Variants in TAS2R1 observed in about 807,000 individuals in gnomAD.
TAS2R1 encodes taste 2 receptor member 1.
For synonymous variants in TAS2R1, 141 were observed against 134.2 expected (o/e 1.05, Z -0.35); for missense variants, 370 against 353.4 (o/e 1.05, Z -0.38).
chr5:9,758,833 T>C, the TAS2R1 span, among the ~76,000 whole-genome samples: 1 of 152,218 alleles, frequency 6.6e-6, no homozygotes, highest in Non-Finnish European at 1.5e-5. Flanking sequence ...GTCGTCTCCC[T>C]GGGGCTTCTA....
chr5:9,708,391 C>T (rs1314367469), intron 1 of TAS2R1, among the ~76,000 whole-genome samples: 1 of 152,082 alleles, frequency 6.6e-6, no homozygotes, highest in Non-Finnish European at 1.5e-5. Context: ...AACGGAGATA[C>T]CATTTTCTTC....
At chr5:9,793,348 A>AAT in the TAS2R1 span, among the ~76,000 whole-genome samples, 1 of 152,242 alleles carries the variant, frequency 6.6e-6, no homozygotes, top group African/African-American at 2.4e-5. Flanking sequence ...AAAACAACTC[A>AAT]ATACTACCTA....
At chr5:9,659,129 A>G (rs373352460) in intron 2 of TAS2R1, among the ~76,000 whole-genome samples, 1 of 152,146 alleles carries the variant, frequency 6.6e-6, no homozygotes, top group African/African-American at 2.4e-5. Context: ...TCATACCCAC[A>G]ATGCTTGATA....
the TAS2R1 span, among the ~76,000 whole-genome samples, chr5:9,806,289 T>A: frequency 6.6e-6 from 1 of 152,054 alleles, no homozygotes; most frequent in South Asian, 2.1e-4. Flanking sequence ...CTCATTGATG[T>A]GTAGAATCAA....
At chr5:9,713,724 G>A (rs1734747166), upstream of TAS2R1, 1 of 152,220 alleles carries the variant, frequency 6.6e-6, no homozygotes, top group African/African-American at 2.4e-5. Flanking sequence ...GAGGAAAAAT[G>A]CACGTGGTGC....
chr5:9,892,844 T>C, the TAS2R1 span, among the ~76,000 whole-genome samples: 1 of 152,168 alleles, frequency 6.6e-6, no homozygotes, highest in Non-Finnish European at 1.5e-5. Context: ...GCAGCCCTTC[T>C]TCAAGAGACA....
intron 2 of TAS2R1, among the ~76,000 whole-genome samples, chr5:9,646,980 C>T (rs1292849377): frequency 6.6e-6 from 1 of 152,054 alleles, no homozygotes; most frequent in Non-Finnish European, 1.5e-5. Context: ...TTTGTCATAG[C>T]GTATAAAATA....
chr5:9,701,856 T>C (rs758536081), intron 1 of TAS2R1, among the ~76,000 whole-genome samples: 8 of 152,146 alleles, frequency 5.3e-5, no homozygotes, highest in Non-Finnish European at 1.0e-4. Context: ...ACCAAAATTT[T>C]GCAAAAAGTG....
the TAS2R1 span, among the ~76,000 whole-genome samples, chr5:9,736,806 A>G: frequency 6.6e-6 from 1 of 152,098 alleles, no homozygotes; most frequent in South Asian, 2.1e-4. Context: ...CTTGTCAAGT[A>G]TTCTGGATAC....
intron 1 of TAS2R1, among the ~76,000 whole-genome samples, chr5:9,696,422 C>T (rs1384952920): frequency 2.0e-5 from 3 of 151,746 alleles, no homozygotes; most frequent in South Asian, 2.1e-4. Context: ...ATTAGCCAGG[C>T]GTGGTGGCAC....
the TAS2R1 span, among the ~76,000 whole-genome samples, chr5:9,837,132 A>G: frequency 2.0e-5 from 3 of 152,200 alleles, no homozygotes; most frequent in Non-Finnish European, 4.4e-5. Context: ...AAGGCTTAGG[A>G]AAATAGAAAT....
At chr5:9,794,194 T>C in the TAS2R1 span, among the ~76,000 whole-genome samples, 1 of 152,328 alleles carries the variant, frequency 6.6e-6, no homozygotes, top group East Asian at 1.9e-4. Context: ...CCTTGGGTTT[T>C]AAAATTTTTT....
upstream of TAS2R1, among the ~76,000 whole-genome samples, chr5:9,716,467 T>C (rs758222359): frequency 6.6e-5 from 10 of 152,042 alleles, no homozygotes; most frequent in African/African-American, 9.7e-5. Context: ...CCTACAACAA[T>C]ATAGTGGGAC....
intron 1 of TAS2R1, among the ~76,000 whole-genome samples, chr5:9,687,127 G>T (rs1456025660): frequency 6.6e-6 from 1 of 152,096 alleles, no homozygotes; most frequent in African/African-American, 2.4e-5. Context: ...ACCATGCCTG[G>T]CTAATTTTGT....
chr5:9,676,637 C>A (rs1464836414), intron 1 of TAS2R1, among the ~76,000 whole-genome samples: 1 of 151,852 alleles, frequency 6.6e-6, no homozygotes, highest in African/African-American at 2.4e-5. Flanking sequence ...ATATAAAATG[C>A]AATACTACAA....
chr5:9,679,887 C>T (rs751317333), intron 1 of TAS2R1, among the ~76,000 whole-genome samples: 16 of 152,206 alleles, frequency 1.1e-4, no homozygotes, highest in Non-Finnish European at 2.1e-4. Context: ...ATCCCAGTAG[C>T]AATGAGGACA....
the TAS2R1 span, among the ~76,000 whole-genome samples, chr5:9,817,914 T>C: frequency 1.3e-5 from 2 of 151,898 alleles, no homozygotes; most frequent in Admixed American, 1.3e-4. Flanking sequence ...TGCCACACTT[T>C]GAAATCATCA....
At chr5:9,832,301 G>C in the TAS2R1 span, among the ~76,000 whole-genome samples, 2 of 152,192 alleles carry the variant, frequency 1.3e-5, no homozygotes, top group Non-Finnish European at 2.9e-5. Context: ...GTGCAGAAAT[G>C]AGGTTAAGCA....
intron 2 of TAS2R1, chr5:9,641,401 A>C (rs533892590): frequency 6.6e-6 from 1 of 152,104 alleles, no homozygotes; most frequent in Non-Finnish European, 1.5e-5. Flanking sequence ...CTTGTGCTAC[A>C]TTTTTTTCAT....
Sources: gnomAD v4.1 joint callset for allele counts (sites outside exome capture counted in the v4.1 genomes callset) on GRCh38, gnomAD v4.1.1 for gene constraint, MANE v1.5 for transcripts, NCBI Gene and HGNC (gene_info 2026-07-23, HGNC 2026-07-21) for gene names.